FOXD2: variants seen among roughly 807,000 people sequenced by gnomAD.
The protein encoded by FOXD2 is forkhead box D2.
Under a neutral mutation model 6.4 loss-of-function variants are expected in FOXD2, and 4 were observed. The observed-to-expected ratio is 0.62, with a 90% CI of 0.31 to 1.42. The LOEUF (loss-of-function observed/expected upper bound fraction) is 1.42, where lower values mean the gene tolerates loss of function less well. FOXD2 is among the 40% of genes most tolerant of loss of function. FOXD2 has a pLI of 0.08. For missense variants in FOXD2, 709 were observed against 766.8 expected (o/e 0.92, Z 0.89); for synonymous variants, 393 against 373.6 (o/e 1.05, Z -0.60).
chr1:47,439,368 C>A lies in FOXD2; in HGVS notation c.1233C>A (p.Ser411=), dbSNP rs1312591107. 2.0e-6 allele frequency: 3 copies of A among 1,521,834 alleles called. No individual in the cohort carries two copies. The highest frequency in any genetic ancestry group is 2.6e-6 in the Non-Finnish European group (3 of 1,148,098). 94.3% of individuals were successfully genotyped at this position (1,521,834 alleles called of 1,614,324 possible). A position where few individuals can be genotyped will look rare whatever the true frequency, so the allele number is the denominator to read the frequency against. ...GCGCCGGGGCAGGGCAGAGGCCTTC[C>A]TTCTCTATAGACCACATCATGGGCC... is the stretch of plus-strand genomic sequence containing the variant. ...GGGAGAGQRP[S]FSIDHIMGHG... The change falls in exon 1 of 1, where the codon TCC becomes TCA. Residue 411 remains serine, a synonymous_variant. Transcript: ENST00000334793.
Position 47,439,338 on chromosome 1 carries a change from C to T in FOXD2, c.1203C>T (p.Gly401=). Residue 401 remains glycine (G), a synonymous_variant, in exon 1 of 1, where the codon GGC becomes GGT. Coordinates refer to ENST00000334793, the MANE Select transcript of FOXD2 (RefSeq NM_004474.4). ...CGGACGCGGGCGGTGGTGCAGGCGGCGGGGGCGCCGGGGCAGGGCAGAGGC... is the reference window on the plus strand; with the variant it reads ...CGGACGCGGGCGGTGGTGCAGGCGGTGGGGGCGCCGGGGCAGGGCAGAGGC... ...LKTDAGGGAG[G]GGAGAGQRPS... The T allele has an allele frequency of 1.3e-6, 2 of 1,483,864 alleles. No individual in the cohort carries two copies. The highest frequency in any genetic ancestry group is 2.7e-5 in the Admixed American group (1 of 36,980). The allele number at this position is 1,483,864 out of a possible 1,614,324, so 91.9% of individuals were successfully genotyped here.
chr1:47,439,563 G>T lies in FOXD2; in HGVS notation c.1428G>T (p.Leu476=). 1 of 1,556,204 alleles carries T rather than the reference G, an allele frequency of 6.4e-7. No homozygotes were observed. Residue 476 remains leucine (L), a synonymous_variant, in exon 1 of 1, where the codon CTG becomes CTT. Coordinates refer to ENST00000334793, the MANE Select transcript of FOXD2 (RefSeq NM_004474.4). ...GCCTCTCGCATCCCGGGGACGCGCT[G>T]CTGTCCTCAGGGTCCCGGTTTGCCA... The part of the protein sequence containing the change: ...HIRLSHPGDA[L]LSSGSRFASK...
rs1277412613 is a variant in FOXD2 at position 47,439,599 on chromosome 1, C to T, written c.1464C>T (p.Ala488=). The part of the protein sequence containing the change: ...SSGSRFASKV[A]GLSGCHF ...GGTCCCGGTTTGCCAGCAAAGTCGC[C>T]GGCCTTAGTGGCTGCCACTTCTGAC... Residue 488 remains alanine, a synonymous_variant, in exon 1 of 1, where the codon GCC becomes GCT. Transcript: ENST00000334793. 1.3e-5 allele frequency: 20 copies of T among 1,554,942 alleles called. No homozygotes were observed. In the East Asian group the frequency reaches 4.3e-4, roughly 34 times the overall value.
At position 47,438,832 on chromosome 1, in the gene FOXD2, C is replaced by A; in HGVS notation, c.697C>A (p.Pro233Thr). 14 of 1,611,550 alleles carry A rather than the reference C, an allele frequency of 8.7e-6. No homozygotes were observed. The highest frequency in any genetic ancestry group is 1.2e-5 in the Non-Finnish European group (14 of 1,179,278). Residue 233 changes from proline (P) to threonine (T), a missense_variant, in exon 1 of 1, where the codon CCA becomes ACA. By Grantham distance (38) the Pro-to-Thr change is conservative. This residue lies in a region of FOXD2 where 98 missense variants were observed against 91.0 expected (regional missense o/e 1.08). Coordinates refer to ENST00000334793, the MANE Select transcript of FOXD2 (RefSeq NM_004474.4). The part of the protein sequence containing the change: ...FKRQPLPPPH[P>T]HPHPHPELLL... Reference sequence around the variant, plus strand: ...GCGGCAGCCCCTGCCGCCGCCGCACCCACACCCGCACCCTCACCCGGAGCT... The same window carrying A: ...GCGGCAGCCCCTGCCGCCGCCGCACACACACCCGCACCCTCACCCGGAGCT...
At position 47,439,314 on chromosome 1, in the gene FOXD2, G is replaced by A. The variant is rs756844525; in HGVS notation, c.1179G>A (p.Thr393=). 24 of 1,476,126 alleles carry A rather than the reference G, an allele frequency of 1.6e-5. No homozygotes were observed. In the South Asian group the frequency reaches 2.9e-4, roughly 18 times the overall value. 91.4% of individuals were successfully genotyped at this position (1,476,126 alleles called of 1,614,324 possible). A position where few individuals can be genotyped will look rare whatever the true frequency, so the allele number is the denominator to read the frequency against. ...CACTTCTGCGCCAGGGCCTCAAGAC[G>A]GACGCGGGCGGTGGTGCAGGCGGCG... The part of the protein sequence containing the change: ...PTALLRQGLK[T]DAGGGAGGGG... The change falls in exon 1 of 1, where the codon ACG becomes ACA. Residue 393 remains threonine, a synonymous_variant. Coordinates refer to ENST00000334793, the MANE Select transcript of FOXD2 (RefSeq NM_004474.4).
rs1419050497 is a variant in FOXD2 at position 47,438,128 on chromosome 1, G to GCGGCAC, written c.-6_-1dup. On this transcript the variant is annotated 5_prime_UTR_variant, in exon 1 of 1. Coordinates refer to ENST00000334793, the MANE Select transcript of FOXD2 (RefSeq NM_004474.4). ...CCGGAGAGTGGCGGCGGCGGCGGCA[G>GCGGCAC]CGGCACCATGACCCTGGGCAGCTGC... 13 of 1,413,946 alleles carry GCGGCAC rather than the reference G, an allele frequency of 9.2e-6. No individual in the cohort carries two copies. The African/African-American group carries it at 1.8e-4, about 20-fold the overall frequency. The allele number at this position is 1,413,946 out of a possible 1,614,324, so 87.6% of individuals were successfully genotyped here. A position where few individuals can be genotyped will look rare whatever the true frequency, so the allele number is the denominator to read the frequency against.
chr1:47,438,125 G>A lies in FOXD2; in HGVS notation c.-11G>A. The A allele has an allele frequency of 7.1e-6, 10 of 1,405,568 alleles. No individual in the cohort carries two copies. The highest frequency in any genetic ancestry group is 9.2e-6 in the Non-Finnish European group (10 of 1,083,898). 87.1% of individuals were successfully genotyped at this position (1,405,568 alleles called of 1,614,324 possible). On this transcript the variant is annotated 5_prime_UTR_variant, in exon 1 of 1. Transcript: ENST00000334793. ...GAGCCGGAGAGTGGCGGCGGCGGCG[G>A]CAGCGGCACCATGACCCTGGGCAGC...
Position 47,439,087 on chromosome 1 carries a change from C to A in FOXD2, c.952C>A (p.Pro318Thr), listed in dbSNP as rs1273791009. 6.9e-7 allele frequency: 1 copy of A among 1,452,756 alleles called. No homozygotes were observed. Among genetic ancestry groups the A allele is most frequent in the Admixed American group, 2.5e-5 (1 of 39,690 alleles). 90.0% of individuals were successfully genotyped at this position (1,452,756 alleles called of 1,614,324 possible). ...LSVPPGRAAAPPPGPPTASVF... is the reference protein window; with the variant it reads ...LSVPPGRAAATPPGPPTASVF... ...GGTACCCCCAGGCCGCGCCGCCGCG[C>A]CTCCACCCGGACCTCCGACGGCCTC... The change falls in exon 1 of 1, where the codon CCT (proline) becomes ACT (threonine). Residue 318 changes from proline to threonine, a missense_variant. By Grantham distance (38) the Pro-to-Thr change is conservative (BLOSUM62 -1). Around this residue, in one of 5 missense-constraint regions of FOXD2, gnomAD observed 322 missense variants for 313.8 expected, o/e 1.03. Coordinates refer to ENST00000334793, the MANE Select transcript of FOXD2 (RefSeq NM_004474.4).
Position 47,439,911 on chromosome 1 carries a change from T to G in FOXD2, c.*288T>G. ...GGGGTGGGGGCTTCGTTTTTTTCCC[T>G]GCCTCTGCGCCTCTCGGGGAACACA... is the stretch of plus-strand genomic sequence containing the variant. On this transcript the variant is annotated 3_prime_UTR_variant, in exon 1 of 1. Transcript: ENST00000334793. 2 of 402,408 alleles carry G rather than the reference T, an allele frequency of 5.0e-6. No individual in the cohort carries two copies. The highest frequency in any genetic ancestry group is 5.0e-5 in the Admixed American group (1 of 19,864). The allele number at this position is 402,408 out of a possible 1,614,324, so 24.9% of individuals were successfully genotyped here.
In FOXD2 at chr1:47,439,965, A is replaced by T. The variant is rs1646998898; in HGVS notation, c.*342A>T. ...CGGGAGAGATGCCTGGCCAGGCTCC[A>T]CGGATCCCGCCAGAAACACCAACAG... On this transcript the variant is annotated 3_prime_UTR_variant, in exon 1 of 1. Coordinates refer to ENST00000334793, the MANE Select transcript of FOXD2 (RefSeq NM_004474.4). 3.4e-6 allele frequency: 1 copy of T among 291,906 alleles called. No homozygotes were observed. The highest frequency in any genetic ancestry group is 2.3e-5 in the African/African-American group (1 of 44,218). 18.1% of individuals were successfully genotyped at this position (291,906 alleles called of 1,614,324 possible).
rs1397411902 is a variant in FOXD2 at position 47,438,470 on chromosome 1, C to G, written c.335C>G (p.Pro112Arg). The change falls in exon 1 of 1, where the codon CCG becomes CGG. Residue 112 changes from proline (P) to arginine (R), a missense_variant. Physicochemically the swap from Pro to Arg is moderately radical, Grantham distance 103 (BLOSUM62 -2). This residue lies in a region of FOXD2 where 220 missense variants were observed against 199.2 expected (regional missense o/e 1.10). Transcript: ENST00000334793. ...AAARGAAGPG[P>R]GPPSGGAATR... Reference sequence around the variant, plus strand: ...GCCCGCGGCGCAGCGGGGCCCGGGCCGGGACCGCCGTCGGGGGGCGCGGCG... The same window carrying G: ...GCCCGCGGCGCAGCGGGGCCCGGGCGGGGACCGCCGTCGGGGGGCGCGGCG... The G allele has an allele frequency of 6.6e-7, 1 of 1,508,564 alleles. No individual in the cohort carries two copies. The highest frequency in any genetic ancestry group is 8.9e-7 in the Non-Finnish European group (1 of 1,124,810). The allele number at this position is 1,508,564 out of a possible 1,614,324, so 93.4% of individuals were successfully genotyped here. A position where few individuals can be genotyped will look rare whatever the true frequency, so the allele number is the denominator to read the frequency against.
rs1474086755 is a variant in FOXD2 at position 47,440,215 on chromosome 1, G to A, written c.*592G>A. On this transcript the variant is annotated 3_prime_UTR_variant, in exon 1 of 1. Transcript: ENST00000334793. Reference sequence around the variant, plus strand: ...GGAGCTGAACGGAGAGGTGAAGCAGGGGGTCTTTATATTCCCTGCAGAAAC... The same window carrying A: ...GGAGCTGAACGGAGAGGTGAAGCAGAGGGTCTTTATATTCCCTGCAGAAAC... The A allele has an allele frequency of 6.0e-6, 1 of 166,536 alleles. No individual in the cohort carries two copies. The highest frequency in any genetic ancestry group is 1.5e-5 in the Non-Finnish European group (1 of 68,038). The allele number at this position is 166,536 out of a possible 1,614,324, so 10.3% of individuals were successfully genotyped here. A position where few individuals can be genotyped will look rare whatever the true frequency, so the allele number is the denominator to read the frequency against.
chr1:47,438,213 C>T lies in FOXD2; in HGVS notation c.78C>T (p.Asp26=). The change falls in exon 1 of 1, where the codon GAC becomes GAT. Residue 26 remains aspartate, a synonymous_variant. Coordinates refer to ENST00000334793, the MANE Select transcript of FOXD2 (RefSeq NM_004474.4). ...SPAALSEADA[D]IDVVGGGSGG... is the part of the protein sequence containing the mutation. ...CCGCGCTGTCCGAGGCCGACGCAGACATAGACGTGGTGGGCGGCGGCAGCG... is the reference window on the plus strand; with the variant it reads ...CCGCGCTGTCCGAGGCCGACGCAGATATAGACGTGGTGGGCGGCGGCAGCG... 6.9e-7 allele frequency: 1 copy of T among 1,440,664 alleles called. No individual in the cohort carries two copies. Among genetic ancestry groups the T allele is most frequent in the Non-Finnish European group, 9.1e-7 (1 of 1,102,250 alleles). 89.2% of individuals were successfully genotyped at this position (1,440,664 alleles called of 1,614,324 possible).
chr1:47,438,821 C>A lies in FOXD2; in HGVS notation c.686C>A (p.Pro229Gln). The A allele has an allele frequency of 6.2e-7, 1 of 1,611,744 alleles. No homozygotes were observed. Among genetic ancestry groups the A allele is most frequent in the South Asian group, 1.1e-5 (1 of 90,974 alleles). Residue 229 changes from proline (P) to glutamine (Q), a missense_variant, in exon 1 of 1, where the codon CCG becomes CAG. This residue lies in a region of FOXD2 where 98 missense variants were observed against 91.0 expected (regional missense o/e 1.08). Coordinates refer to ENST00000334793, the MANE Select transcript of FOXD2 (RefSeq NM_004474.4). ...RRKRFKRQPL[P>Q]PPHPHPHPHP... ...AAGCGCTTCAAGCGGCAGCCCCTGC[C>A]GCCGCCGCACCCACACCCGCACCCT...
Position 47,438,883 on chromosome 1 carries a change from G to A in FOXD2, c.748G>A (p.Ala250Thr), listed in dbSNP as rs1196561897. 2 of 1,571,412 alleles carry A rather than the reference G, an allele frequency of 1.3e-6. No individual in the cohort carries two copies. Among genetic ancestry groups the A allele is most frequent in the African/African-American group, 2.7e-5 (2 of 72,952 alleles). ...ELLLRGGAAA[A>T]GDPGAFLPGF... Reference sequence around the variant, plus strand: ...GCTGCTGCGTGGCGGGGCCGCGGCGGCGGGGGATCCCGGCGCTTTCCTGCC... The same window carrying A: ...GCTGCTGCGTGGCGGGGCCGCGGCGACGGGGGATCCCGGCGCTTTCCTGCC... The change falls in exon 1 of 1, where the codon GCG (alanine) becomes ACG (threonine). Residue 250 changes from alanine (A) to threonine (T), a missense_variant. Physicochemically the swap from Ala to Thr is moderately conservative, Grantham distance 58. Around this residue, in one of 5 missense-constraint regions of FOXD2, gnomAD observed 98 missense variants for 91.0 expected, o/e 1.08. Coordinates refer to ENST00000334793, the MANE Select transcript of FOXD2 (RefSeq NM_004474.4).
At position 47,438,969 on chromosome 1, in the gene FOXD2, C is replaced by G. The variant is rs1411751033; in HGVS notation, c.834C>G (p.Gly278=). ...YGYGLALPAY[G]APPPGPAPHP... is the part of the protein sequence containing the mutation. ...ACGGGCTGGCTCTCCCGGCCTACGGCGCACCCCCGCCGGGGCCGGCCCCGC... is the reference window on the plus strand; with the variant it reads ...ACGGGCTGGCTCTCCCGGCCTACGGGGCACCCCCGCCGGGGCCGGCCCCGC... Residue 278 remains glycine, a synonymous_variant, in exon 1 of 1, where the codon GGC becomes GGG. Coordinates refer to ENST00000334793, the MANE Select transcript of FOXD2 (RefSeq NM_004474.4). 25 of 1,470,474 alleles carry G rather than the reference C, an allele frequency of 1.7e-5. No individual in the cohort carries two copies. The highest frequency in any genetic ancestry group is 2.2e-5 in the Non-Finnish European group (25 of 1,115,566). The allele number at this position is 1,470,474 out of a possible 1,614,324, so 91.1% of individuals were successfully genotyped here.
rs1232149980 is a variant in FOXD2 at position 47,439,528 on chromosome 1, G to A, written c.1393G>A (p.Gly465Ser). ...TGCTCCGGCCCTGGCTCCCGTTGCT[G>A]GCCACATTCGCCTCTCGCATCCCGG... is the stretch of plus-strand genomic sequence containing the variant. ...LTAPALAPVA[G>S]HIRLSHPGDA... is the part of the protein sequence containing the mutation. The change falls in exon 1 of 1, where the codon GGC becomes AGC. Residue 465 changes from glycine to serine, a missense_variant. Physicochemically the swap from Gly to Ser is moderately conservative, Grantham distance 56. This residue lies in a region of FOXD2 where 322 missense variants were observed against 313.8 expected (regional missense o/e 1.03). Transcript: ENST00000334793. 5 of 1,552,352 alleles carry A rather than the reference G, an allele frequency of 3.2e-6. No individual in the cohort carries two copies. The Admixed American group carries it at 9.7e-5, about 30-fold the overall frequency.
rs758877986 is a variant in FOXD2, at chr1:47,438,484, G to A, written c.349G>A (p.Gly117Arg). The change falls in exon 1 of 1, where the codon GGG becomes AGG. Residue 117 changes from glycine (G) to arginine (R), a missense_variant. This residue lies in a region of FOXD2 where 220 missense variants were observed against 199.2 expected (regional missense o/e 1.10). Coordinates refer to ENST00000334793, the MANE Select transcript of FOXD2 (RefSeq NM_004474.4). ...AAGPGPGPPSGGAATRSPLVK... is the reference protein window; with the variant it reads ...AAGPGPGPPSRGAATRSPLVK... The stretch of plus-strand genomic sequence containing the variant: ...GGGGCCCGGGCCGGGACCGCCGTCG[G>A]GGGGCGCGGCGACGCGGAGCCCGCT... The A allele has an allele frequency of 2.5e-6, 4 of 1,569,664 alleles. No homozygotes were observed. The highest frequency in any genetic ancestry group is 3.5e-6 in the Non-Finnish European group (4 of 1,159,358).
In FOXD2 at chr1:47,439,066, C is replaced by A; in HGVS notation, c.931C>A (p.Pro311Thr). The change falls in exon 1 of 1, where the codon CCC (proline) becomes ACC (threonine). Residue 311 changes from proline (P) to threonine (T), a missense_variant. By Grantham distance (38) the Pro-to-Thr change is conservative. Transcript: ENST00000334793. ...AAAAPCQLSV[P>T]PGRAAAPPPG... ...CGCCGCTCCTTGCCAGCTGTCGGTACCCCCAGGCCGCGCCGCCGCGCCTCC... is the reference window on the plus strand; with the variant it reads ...CGCCGCTCCTTGCCAGCTGTCGGTAACCCCAGGCCGCGCCGCCGCGCCTCC... 1 of 1,447,088 alleles carries A rather than the reference C, an allele frequency of 6.9e-7. No individual in the cohort carries two copies. The highest frequency in any genetic ancestry group is 9.1e-7 in the Non-Finnish European group (1 of 1,104,718). 89.6% of individuals were successfully genotyped at this position (1,447,088 alleles called of 1,614,324 possible).
Sources: gnomAD v4.1 joint callset for allele counts on GRCh38, gnomAD v4.1.1 for gene constraint, gnomAD v4.1.1 regional missense constraint, MANE v1.5 for transcripts, NCBI Gene and HGNC (gene_info 2026-07-23, HGNC 2026-07-21) for gene names.